IL33: variants seen among roughly 807,000 people sequenced by gnomAD.
The protein encoded by IL33 is interleukin 33, also known as interleukin-33.
Under a neutral mutation model 27.3 loss-of-function variants are expected in IL33, and 37 were observed. The observed-to-expected ratio is 1.36, with a 90% CI of 1.04 to 1.78. The LOEUF (loss-of-function observed/expected upper bound fraction) is 1.78, where lower values mean the gene tolerates loss of function less well. Ranked by LOEUF, IL33 falls within the 40% of genes most tolerant of loss-of-function variation. The probability of loss-of-function intolerance (pLI) is 0.00; values close to 1 mark genes in which losing one functional copy is unlikely to be tolerated. For synonymous variants in IL33, 132 were observed against 102.9 expected (o/e 1.28, Z -1.71); for missense variants, 406 against 311.4 (o/e 1.30, Z -2.29).
intron 1 of IL33, among the ~76,000 whole-genome samples, chr9:6,241,472 A>G (rs937605512): frequency 1.3e-5 from 2 of 152,196 alleles, no homozygotes; most frequent in Non-Finnish European, 2.9e-5. Context: ...ACCATTGTAT[A>G]TGTGCAATCC....
intron 1 of IL33, among the ~76,000 whole-genome samples, chr9:6,219,341 G>A (rs1466530510): frequency 6.6e-6 from 1 of 151,972 alleles, no homozygotes; most frequent in Non-Finnish European, 1.5e-5. Context: ...GCCTCAAAAA[G>A]TTCAGGCAAA....
intron 7 of IL33, 138 bp downstream of exon 7, chr9:6,254,691 A>G (rs552748495): frequency 1.7e-5 from 7 of 415,316 alleles, no homozygotes; most frequent in Non-Finnish European, 2.5e-5. Context: ...ATAAAGCACA[A>G]TCACTTACTA....
At chr9:6,251,389 C>A in intron 4 of IL33, 124 bp downstream of exon 4, 1 of 1,416,342 alleles carries the variant, frequency 7.1e-7, no homozygotes, top group Non-Finnish European at 9.6e-7. Context: ...AACTTCTGCC[C>A]ATTTGCAGCT....
chr9:6,251,300 G>A, intron 4 of IL33, 35 bp downstream of exon 4: 3 of 1,609,610 alleles, frequency 1.9e-6, no homozygotes, highest in South Asian at 1.1e-5. Flanking sequence ...TGGGAGTGAG[G>A]AGGGAGGTAT....
intron 1 of IL33, among the ~76,000 whole-genome samples, chr9:6,218,905 T>C (rs1159274145): frequency 6.7e-5 from 2 of 30,022 alleles, no homozygotes; most frequent in African/African-American, 1.4e-4. Context: ...TCTCCATATA[T>C]ATATATATAT....
At chr9:6,222,109 C>A (rs548787763) in intron 1 of IL33, among the ~76,000 whole-genome samples, 34 of 152,132 alleles carry the variant, frequency 2.2e-4, no homozygotes, top group Non-Finnish European at 4.3e-4. Flanking sequence ...CAAGGCAGTT[C>A]TGTTAAAACT....
rs80350598 is a variant in IL33, at chr9:6,231,455, C to T, written c.-11-10229C>T. Among the ~76,000 whole-genome samples, 905 of 152,276 alleles carry T rather than the reference C, an allele frequency of 5.9e-3. 5 individuals are homozygous for T. Among genetic ancestry groups the T allele is most frequent in the Middle Eastern group, 0.014 (4 of 294 alleles). On this transcript the variant is annotated intron_variant, in intron 1 of 7. Transcript: ENST00000682010. Reference sequence around the variant, plus strand: ...GGTTTTCTCTTCCCTGTGTCTCTTCCCTTTCATATGTTCCTCACGCCCTTT... The same window carrying T: ...GGTTTTCTCTTCCCTGTGTCTCTTCTCTTTCATATGTTCCTCACGCCCTTT...
intron 1 of IL33, among the ~76,000 whole-genome samples, chr9:6,216,653 C>T: frequency 6.6e-6 from 1 of 152,094 alleles, no homozygotes; most frequent in East Asian, 1.9e-4. Flanking sequence ...GAGGCTAAGG[C>T]AGGAGAATCG....
At chr9:6,237,859 T>A (rs1819319540) in intron 1 of IL33, among the ~76,000 whole-genome samples, 1 of 152,014 alleles carries the variant, frequency 6.6e-6, no homozygotes, top group Non-Finnish European at 1.5e-5. Context: ...GGCAATGCAG[T>A]TTTTATGTTA....
intron 2 of IL33, among the ~76,000 whole-genome samples, chr9:6,246,948 G>A (rs772505114): frequency 6.6e-6 from 1 of 152,184 alleles, no homozygotes; most frequent in Non-Finnish European, 1.5e-5. Flanking sequence ...GGTAGCTGCA[G>A]GTCACCCAGG....
intron 1 of IL33, among the ~76,000 whole-genome samples, chr9:6,220,471 C>T (rs1041454791): frequency 6.6e-6 from 1 of 152,196 alleles, no homozygotes; most frequent in African/African-American, 2.4e-5. Flanking sequence ...TGGCTTATTA[C>T]TGGCAATTGT....
At chr9:6,228,673 A>G (rs1818771181) in intron 1 of IL33, among the ~76,000 whole-genome samples, 1 of 152,108 alleles carries the variant, frequency 6.6e-6, no homozygotes, top group Admixed American at 6.6e-5. Context: ...CCTGGGCAAC[A>G]AAGCGAGACC....
chr9:6,255,108 A>G (rs1816651192), intron 7 of IL33, among the ~76,000 whole-genome samples: 1 of 152,174 alleles, frequency 6.6e-6, no homozygotes, highest in African/African-American at 2.4e-5. Context: ...CTGAACATAG[A>G]ATTAATTGCA....
At chr9:6,247,674 G>T in intron 2 of IL33, among the ~76,000 whole-genome samples, 1 of 152,000 alleles carries the variant, frequency 6.6e-6, no homozygotes, top group East Asian at 1.9e-4. Context: ...ATTTGAGCTG[G>T]CTCTTTGACC....
intron 1 of IL33, among the ~76,000 whole-genome samples, chr9:6,220,920 A>AT (rs953226702): frequency 1.1e-4 from 16 of 152,038 alleles, no homozygotes; most frequent in African/African-American, 2.7e-4. Flanking sequence ...CACCTGGCTA[A>AT]TTTTTTTACA....
intron 1 of IL33, among the ~76,000 whole-genome samples, chr9:6,221,672 G>T (rs573001726): frequency 6.6e-6 from 1 of 152,152 alleles, no homozygotes; most frequent in East Asian, 1.9e-4. Context: ...GTTTAGACCC[G>T]TTGGTTCTCC....
intron 1 of IL33, among the ~76,000 whole-genome samples, chr9:6,228,646 C>T (rs970540263): frequency 1.3e-5 from 2 of 151,830 alleles, no homozygotes; most frequent in Non-Finnish European, 2.9e-5. Flanking sequence ...CACTTGAGGC[C>T]AGGAGTTCGA....
intron 4 of IL33, among the ~76,000 whole-genome samples, chr9:6,252,198 C>A (rs1438412989): frequency 1.3e-5 from 2 of 151,676 alleles, no homozygotes; most frequent in Non-Finnish European, 2.9e-5. Flanking sequence ...TTAAGTATTT[C>A]TAAATCATTT....
intron 1 of IL33, among the ~76,000 whole-genome samples, chr9:6,220,595 C>A (rs977677577): frequency 6.6e-6 from 1 of 152,134 alleles, no homozygotes; most frequent in South Asian, 2.1e-4. Context: ...TTCCTCAAAT[C>A]TGAATTTATT....
Sources: gnomAD v4.1 joint callset for allele counts (sites outside exome capture counted in the v4.1 genomes callset) on GRCh38, gnomAD v4.1.1 for gene constraint, MANE v1.5 for transcripts, NCBI Gene and HGNC (gene_info 2026-07-23, HGNC 2026-07-21) for gene names.